Variants in GON4L observed in about 807,000 individuals in gnomAD.
GON4L encodes the protein GON-4-like protein.
GON4L carries 87 observed loss-of-function variants against 211.8 expected under a neutral mutation model. The observed-to-expected ratio is 0.41, with a 90% CI of 0.35 to 0.49. GON4L has a LOEUF of 0.49. Ranked by LOEUF, GON4L falls within the 20% of genes least tolerant of loss-of-function variation. The pLI, the probability that GON4L is intolerant of heterozygous loss-of-function variation, is 0.15. For synonymous variants in GON4L, 875 were observed against 962.6 expected (o/e 0.91, Z 1.68); for missense variants, 2,155 against 2,659.5 (o/e 0.81, Z 4.17).
chr1:155,771,143 G>A lies in GON4L; in HGVS notation c.2570C>T (p.Thr857Ile). ...PNPLISKYLLTCKTAHQLTVR... is the reference protein window; with the variant it reads ...PNPLISKYLLICKTAHQLTVR... ...TGTCAGTTGGTGGGCAGTTTTGCAG[G>A]TTAGAAGGTACTTGCTGATTAGAGG... is the stretch of plus-strand genomic sequence containing the variant. The change falls in exon 19 of 32, where the codon ACC becomes ATC. Residue 857 changes from threonine (T) to isoleucine (I), a missense_variant. By Grantham distance (89) the Thr-to-Ile change is moderately conservative (BLOSUM62 -1). Transcript: ENST00000368331. The A allele has an allele frequency of 1.2e-6, 2 of 1,614,142 alleles. No homozygotes were observed. Among genetic ancestry groups the A allele is most frequent in the Non-Finnish European group, 1.7e-6 (2 of 1,180,014 alleles).
chr1:155,782,317 G>A (rs1409498789), intron 14 of GON4L, among the ~76,000 whole-genome samples: 1 of 152,148 alleles, frequency 6.6e-6, no homozygotes, highest in African/African-American at 2.4e-5. Context: ...AGTCAATAAT[G>A]AACCACATAT....
At chr1:155,859,179 G>T (rs1672495033), upstream of GON4L, 2 of 152,544 alleles carry the variant, frequency 1.3e-5, no homozygotes, top group African/African-American at 4.8e-5. Flanking sequence ...CTGAAATCCA[G>T]GCAGTACAGA....
intron 24 of GON4L, among the ~76,000 whole-genome samples, chr1:155,758,558 G>A (rs1406444898): frequency 6.6e-6 from 1 of 151,822 alleles, no homozygotes; most frequent in Non-Finnish European, 1.5e-5. Flanking sequence ...GATCCCAGGG[G>A]CCTGTGTTGT....
chr1:155,803,029 T>G (rs1666816634), intron 11 of GON4L, among the ~76,000 whole-genome samples: 2 of 152,176 alleles, frequency 1.3e-5, no homozygotes, highest in African/African-American at 4.8e-5. Flanking sequence ...ATAAAGCTTT[T>G]ATTCCATGAC....
chr1:155,853,348 C>T lies in GON4L; in HGVS notation c.433G>A (p.Asp145Asn), dbSNP rs1008989857. Residue 145 changes from aspartate to asparagine, a missense_variant, in exon 2 of 32, where the codon GAC (aspartate) becomes AAC (asparagine). By Grantham distance (23) the Asp-to-Asn change is conservative. This residue lies in a region of GON4L where 313 missense variants were observed against 293.2 expected (regional missense o/e 1.07). Transcript: ENST00000368331. ...TLRPGPVTQE[D>N]RCDHLTLKEP... ...TTTAGGGTAAGATGATCACATCTGTCTTCTTGGGTAACTGGCCCAGGCCTG... is the reference window on the plus strand; with the variant it reads ...TTTAGGGTAAGATGATCACATCTGTTTTCTTGGGTAACTGGCCCAGGCCTG... The T allele has an allele frequency of 6.2e-7, 1 of 1,614,108 alleles. No individual in the cohort carries two copies. Among genetic ancestry groups the T allele is most frequent in the Non-Finnish European group, 8.5e-7 (1 of 1,179,956 alleles).
At chr1:155,755,349 G>A (rs1210791401) in intron 27 of GON4L, among the ~76,000 whole-genome samples, 2 of 152,076 alleles carry the variant, frequency 1.3e-5, no homozygotes, top group Non-Finnish European at 2.9e-5. Flanking sequence ...CATTAGAGGT[G>A]TAAGCCACAG....
intron 5 of GON4L, among the ~76,000 whole-genome samples, chr1:155,821,007 C>T (rs1185037119): frequency 1.3e-5 from 2 of 152,108 alleles, no homozygotes; most frequent in Non-Finnish European, 2.9e-5. Context: ...TGGCTCACGC[C>T]TGTAATCCCA....
chr1:155,788,816 C>T (rs1158907568), intron 12 of GON4L, among the ~76,000 whole-genome samples: 1 of 152,054 alleles, frequency 6.6e-6, no homozygotes, highest in Non-Finnish European at 1.5e-5. Flanking sequence ...AAAAGCCGGG[C>T]GCAGTGGCTC....
intron 2 of GON4L, among the ~76,000 whole-genome samples, chr1:155,834,629 C>G (rs1670120841): frequency 6.6e-6 from 1 of 152,154 alleles, no homozygotes; most frequent in South Asian, 2.1e-4. Flanking sequence ...CAGCTAAAAG[C>G]AAGATGGTGA....
At chr1:155,849,631 G>A (rs1277954699) in intron 2 of GON4L, among the ~76,000 whole-genome samples, 16 of 148,294 alleles carry the variant, frequency 1.1e-4, no homozygotes, top group East Asian at 6.0e-4. Flanking sequence ...AAAATTAGCC[G>A]GGTGTGGTGG....
chr1:155,786,565 G>C (rs1311826274), intron 12 of GON4L, among the ~76,000 whole-genome samples: 1 of 152,066 alleles, frequency 6.6e-6, no homozygotes, highest in Non-Finnish European at 1.5e-5. Context: ...CAAGTTTCCA[G>C]CAGGGTTTCA....
rs777350947 is a variant in GON4L at position 155,757,052 on chromosome 1, AG to A, written c.5422del (p.Leu1808CysfsTer56). ...YEFDGFEEVALPDVEEEEEPP... is the reference protein window; with the variant it reads ...YEFDGFEEVAXPDVEEEEEPP... ...CTCCTCCTCTTCTTCCACATCAGGCAGGGCCACTTCTTCAAAGCCATCAAAC... is the reference window on the plus strand; with the variant it reads ...CTCCTCCTCTTCTTCCACATCAGGCAGGCCACTTCTTCAAAGCCATCAAAC... On this transcript the variant is annotated frameshift_variant, in exon 27 of 32. Coordinates refer to ENST00000368331, the MANE Select transcript of GON4L (RefSeq NM_001282860.2). LOFTEE classifies it high-confidence loss of function. 1 of 1,613,832 alleles carries A rather than the reference AG, an allele frequency of 6.2e-7. No individual in the cohort carries two copies.
At chr1:155,767,280 G>A in intron 20 of GON4L, 145 bp downstream of exon 20, 1 of 1,564,580 alleles carries the variant, frequency 6.4e-7, no homozygotes, top group Non-Finnish European at 8.7e-7. Flanking sequence ...GGGCAGAAAA[G>A]TAAGGGAAGA....
At chr1:155,794,228 C>T (rs1024329299) in intron 12 of GON4L, among the ~76,000 whole-genome samples, 12 of 152,036 alleles carry the variant, frequency 7.9e-5, no homozygotes, top group African/African-American at 2.7e-4. Flanking sequence ...CCTACTACCA[C>T]GCCTGGCTAA....
At chr1:155,808,660 T>C (rs997999282) in intron 10 of GON4L, among the ~76,000 whole-genome samples, 2 of 152,094 alleles carry the variant, frequency 1.3e-5, no homozygotes, top group African/African-American at 4.8e-5. Flanking sequence ...ACAGTCTTGC[T>C]CTGTGGCCCA....
chr1:155,810,474 AAG>A (rs891264637), intron 10 of GON4L, among the ~76,000 whole-genome samples: 11 of 151,352 alleles, frequency 7.3e-5, no homozygotes, highest in Non-Finnish European at 3.0e-5. Flanking sequence ...TTGGGAGGCC[AAG>A]GCAGGCGGAT....
chr1:155,821,369 C>G (rs1476928357), intron 5 of GON4L, 105 bp downstream of exon 5: 2 of 727,414 alleles, frequency 2.7e-6, no homozygotes, highest in Admixed American at 3.6e-5. Context: ...AACTTTAACC[C>G]CAGCTGCCAA....
chr1:155,769,227 C>T (rs899078209), intron 19 of GON4L, among the ~76,000 whole-genome samples: 3 of 152,098 alleles, frequency 2.0e-5, no homozygotes, highest in African/African-American at 7.2e-5. Flanking sequence ...CTGCCTGCCT[C>T]AGCCTCCCAA....
chr1:155,818,258 G>A (rs1189581876), intron 6 of GON4L, among the ~76,000 whole-genome samples: 1 of 151,848 alleles, frequency 6.6e-6, no homozygotes, highest in African/African-American at 2.4e-5. Context: ...GATTACAGGC[G>A]CCCACCACAC....
Sources: gnomAD v4.1 joint callset for allele counts (sites outside exome capture counted in the v4.1 genomes callset) on GRCh38, gnomAD v4.1.1 for gene constraint, gnomAD v4.1.1 regional missense constraint, MANE v1.5 for transcripts, NCBI Gene and HGNC (gene_info 2026-07-23, HGNC 2026-07-21) for gene names.